Variants in TNRC18 observed in about 807,000 individuals in gnomAD.
The protein encoded by TNRC18 is trinucleotide repeat containing 18, also known as trinucleotide repeat-containing gene 18 protein.
A neutral mutation model predicts 226.7 loss-of-function variants in TNRC18; 69 were observed. That is an observed-to-expected ratio of 0.30 (90% confidence interval 0.25 to 0.37). The LOEUF (loss-of-function observed/expected upper bound fraction) is 0.37. Ranked by LOEUF, TNRC18 falls within the 10% of genes least tolerant of loss-of-function variation. TNRC18 has a pLI of 1.00. For synonymous variants in TNRC18, 2,449 were observed against 1,927.6 expected, an observed-to-expected ratio of 1.27 and a Z score of -7.09; for missense variants, 4,754 against 4,256.6, an observed-to-expected ratio of 1.12 and a Z score of -3.25.
chr7:5,413,044 C>A (rs1052500814), intron 2 of TNRC18, among the ~76,000 whole-genome samples: 2 of 152,324 alleles, frequency 1.3e-5, no homozygotes, highest in South Asian at 4.1e-4. Flanking sequence ...AGGACCCTGG[C>A]CCTGACTGAC....
intron 15 of TNRC18, among the ~76,000 whole-genome samples, chr7:5,359,130 G>C (rs562359484): frequency 1.7e-4 from 26 of 152,188 alleles, no homozygotes; most frequent in Non-Finnish European, 3.4e-4. Context: ...TTAGCAAAGG[G>C]TCATGCAGCA....
chr7:5,358,965 C>G (rs1301348784), intron 15 of TNRC18, among the ~76,000 whole-genome samples: 1 of 152,218 alleles, frequency 6.6e-6, no homozygotes, highest in South Asian at 2.1e-4. Context: ...GCTCTCAGCC[C>G]ATTACCCCTG....
rs1402439433 is a variant in TNRC18 at position 5,324,371 on chromosome 7, G to A, written c.6301-16C>T. The stretch of plus-strand genomic sequence containing the variant: ...TGCCGCGGTTCTGGGGACAGAACAT[G>A]GCCGACAAATGACTTAGGACCTGAA... On this transcript the variant is annotated splice_polypyrimidine_tract_variant and intron_variant, in intron 20 of 29. Coordinates refer to ENST00000430969, the MANE Select transcript of TNRC18 (RefSeq NM_001080495.3). This position sits in a 1 kb window ranked among gnomAD's most constrained non-coding sequence, Gnocchi z 4.8. 1 of 1,612,584 alleles carries A rather than the reference G, an allele frequency of 6.2e-7. No individual in the cohort carries two copies. The highest frequency in any genetic ancestry group is 8.5e-7 in the Non-Finnish European group (1 of 1,179,634).
chr7:5,308,197 T>C lies in TNRC18; in HGVS notation c.8816A>G (p.Gln2939Arg). ...YEQMLKTKKY[Q>R]DSEGLYYLAG... Reference sequence around the variant, plus strand: ...GAGGTAGTACAGGCCCTCGCTGTCCTGGTACTTCTTGGTCTTCAGCATCTG... The same window carrying C: ...GAGGTAGTACAGGCCCTCGCTGTCCCGGTACTTCTTGGTCTTCAGCATCTG... Residue 2939 changes from glutamine (Q) to arginine (R), a missense_variant, in exon 30 of 30, where the codon CAG becomes CGG. Coordinates refer to ENST00000430969, the MANE Select transcript of TNRC18 (RefSeq NM_001080495.3). The C allele has an allele frequency of 6.2e-7, 1 of 1,608,478 alleles. No homozygotes were observed. The highest frequency in any genetic ancestry group is 8.5e-7 in the Non-Finnish European group (1 of 1,178,096).
intron 17 of TNRC18, among the ~76,000 whole-genome samples, chr7:5,349,687 G>A (rs1791579335): frequency 6.6e-6 from 1 of 152,246 alleles, no homozygotes; most frequent in Non-Finnish European, 1.5e-5. Context: ...CGTCCAGAGT[G>A]CAGCGTGAGA....
At chr7:5,329,825 T>C in intron 19 of TNRC18, 1 of 447,980 alleles carries the variant, frequency 2.2e-6, no homozygotes, top group Non-Finnish European at 4.6e-6. Context: ...ACATTGCCTC[T>C]TTGGGCCTTT....
chr7:5,357,299 G>A (rs1792543413), intron 15 of TNRC18, 23 bp from the exon 16 acceptor site: 1 of 1,594,212 alleles, frequency 6.3e-7, no homozygotes, highest in Non-Finnish European at 8.6e-7. Context: ...GGTGGGTCAT[G>A]GGTTAAAAGA....
chr7:5,360,223 A>G (rs1792896210), intron 14 of TNRC18, among the ~76,000 whole-genome samples: 1 of 151,148 alleles, frequency 6.6e-6, no homozygotes, highest in Non-Finnish European at 1.5e-5. Context: ...TTATTTATTT[A>G]TTTATTTATT....
intron 2 of TNRC18, chr7:5,420,633 G>A (rs1199024743): frequency 2.6e-5 from 12 of 461,324 alleles, no homozygotes; most frequent in Admixed American, 7.0e-5. Context: ...ACAGAACCCA[G>A]GAGGGCCCAC....
In TNRC18 at chr7:5,320,415, C is replaced by T. The variant is rs1392705938; in HGVS notation, c.6648G>A (p.Val2216=). ...GCAAGAAGCGAGTGGAGGCTGGCCT[C>T]ACATCGATGATCTAGAAGGGCATGG... ...EQLLQEAIID[V]RPASTRFLPQ... Residue 2216 remains valine, a synonymous_variant, in exon 24 of 30, where the codon GTG becomes GTA. Transcript: ENST00000430969. The T allele has an allele frequency of 6.4e-7, 1 of 1,561,846 alleles. No individual in the cohort carries two copies. The highest frequency in any genetic ancestry group is 1.4e-5 in the African/African-American group (1 of 73,756).
At chr7:5,356,052 T>C (rs1792335747) in intron 16 of TNRC18, among the ~76,000 whole-genome samples, 1 of 151,612 alleles carries the variant, frequency 6.6e-6, no homozygotes, top group South Asian at 2.1e-4. Flanking sequence ...TAGTCCCAGT[T>C]ACTCGGGAGG....
At chr7:5,391,862 G>GTTT (rs34788590) in intron 3 of TNRC18, among the ~76,000 whole-genome samples, 1 of 138,376 alleles carries the variant, frequency 7.2e-6, no homozygotes. Flanking sequence ...AATTTAAATA[G>GTTT]TTTTTTTTTT....
At position 5,371,251 on chromosome 7, in the gene TNRC18, G is replaced by A. The variant is rs759222760; in HGVS notation, c.3343C>T (p.Pro1115Ser). Residue 1115 changes from proline (P) to serine (S), a missense_variant, in exon 11 of 30, where the codon CCG becomes TCG. Transcript: ENST00000430969. ...CGCTCGGGCCCATCAGCCGGGAGCG[G>A]CACATCAGGGGCCAAGCCGTCCGCG... ...ADADGLAPDV[P>S]LPADGPERLA... 4.4e-6 allele frequency: 7 copies of A among 1,602,406 alleles called. No individual in the cohort carries two copies. In the Admixed American group the frequency reaches 1.2e-4, roughly 27 times the overall value.
chr7:5,400,194 G>C (rs1462483424), intron 2 of TNRC18, among the ~76,000 whole-genome samples: 2 of 152,086 alleles, frequency 1.3e-5, no homozygotes, highest in Non-Finnish European at 2.9e-5. Flanking sequence ...ATTGAGCCTG[G>C]TCTATGATTA....
intron 2 of TNRC18, among the ~76,000 whole-genome samples, chr7:5,405,551 A>G (rs1781407826): frequency 6.6e-6 from 1 of 152,114 alleles, no homozygotes; most frequent in African/African-American, 2.4e-5. Context: ...CCTGGGTGAC[A>G]GAGCAAGACT....
At chr7:5,337,694 T>C (rs528076351) in intron 18 of TNRC18, among the ~76,000 whole-genome samples, 17 of 152,142 alleles carry the variant, frequency 1.1e-4, no homozygotes, top group Non-Finnish European at 2.5e-4. Flanking sequence ...TGATTAAAAC[T>C]AAGTTTGTGG....
At position 5,352,860 on chromosome 7, in the gene TNRC18, G is replaced by A. The variant is rs118183217; in HGVS notation, c.5195-766C>T. Among the ~76,000 whole-genome samples the A allele has an allele frequency of 8.4e-3, 1,275 of 152,372 alleles. 20 individuals are homozygous for A. Among genetic ancestry groups the A allele is most frequent in the South Asian group, 0.053 (256 of 4,828 alleles). On this transcript the variant is annotated intron_variant, in intron 16 of 29. Transcript: ENST00000430969. ...CTTTTCTTACTGGGCAAGATGGGAA[G>A]ACAGGGGTTCCAGAGACAGAGAATA...
intron 16 of TNRC18, among the ~76,000 whole-genome samples, chr7:5,354,909 C>A (rs540189728): frequency 2.6e-5 from 4 of 152,186 alleles, no homozygotes; most frequent in African/African-American, 9.7e-5. Flanking sequence ...ACATGCTTTA[C>A]GGTATCAATA....
chr7:5,312,703 G>T lies in TNRC18; in HGVS notation c.8188C>A (p.Pro2730Thr), dbSNP rs1478847102. 2.0e-5 allele frequency: 32 copies of T among 1,588,458 alleles called. 2 individuals carry two copies. In the African/African-American group the frequency reaches 2.4e-4, roughly 12 times the overall value. ...KTPAPQPQAP[P>T]PQPTQPLQPK... is the part of the protein sequence containing the mutation. ...TGCAGAGGCTGTGTGGGCTGCGGAG[G>T]AGGCGCCTGGGGCTGGGGCGCGGGC... The change falls in exon 27 of 30, where the codon CCT (proline) becomes ACT (threonine). Residue 2730 changes from proline (P) to threonine (T), a missense_variant. Transcript: ENST00000430969. The surrounding 1 kb of genome is among the most constrained non-coding windows in gnomAD (Gnocchi z 6.3).
Sources: gnomAD v4.1 joint callset for allele counts (sites outside exome capture counted in the v4.1 genomes callset) on GRCh38, gnomAD v4.1.1 for gene constraint, Gnocchi (gnomAD v3.1) non-coding constraint, MANE v1.5 for transcripts, NCBI Gene and HGNC (gene_info 2026-07-23, HGNC 2026-07-21) for gene names.